COL25A1: variants seen among roughly 807,000 people sequenced by gnomAD.
COL25A1 encodes collagen type XXV alpha 1 chain, also known as collagen alpha-1(XXV) chain.
COL25A1 carries 103 observed loss-of-function variants against 128.4 expected under a neutral mutation model. The observed-to-expected ratio is 0.80, with a 90% CI of 0.68 to 0.94. COL25A1 has a LOEUF of 0.94. Among genes scored for constraint, COL25A1 ranks in the 40% least tolerant of loss-of-function variants. The pLI is 0.00. For synonymous variants in COL25A1, 279 were observed against 277.2 expected (o/e 1.01, Z -0.06); for missense variants, 745 against 840.0 (o/e 0.89, Z 1.40).
chr4:109,178,665 A>G (rs1355429381), intron 3 of COL25A1, among the ~76,000 whole-genome samples: 1 of 151,944 alleles, frequency 6.6e-6, no homozygotes, highest in Non-Finnish European at 1.5e-5. Flanking sequence ...TCTACTAAAA[A>G]TACAAAACAA....
chr4:109,185,018 G>GT (rs1240607222), intron 3 of COL25A1, among the ~76,000 whole-genome samples: 17 of 152,170 alleles, frequency 1.1e-4, no homozygotes, highest in Admixed American at 6.5e-4. Context: ...AACTTGGTTT[G>GT]TTTTTTGAAA....
intron 3 of COL25A1, among the ~76,000 whole-genome samples, chr4:109,162,946 G>T (rs1413013532): frequency 1.3e-5 from 2 of 152,178 alleles, no homozygotes; most frequent in East Asian, 1.9e-4. Context: ...TCCCCTTGAG[G>T]CACTGTTCTG....
intron 3 of COL25A1, among the ~76,000 whole-genome samples, chr4:109,142,009 T>A (rs1297113222): frequency 1.3e-5 from 2 of 152,200 alleles, no homozygotes; most frequent in Non-Finnish European, 2.9e-5. Flanking sequence ...GTTCCTTTCA[T>A]TGTGATGTCA....
At chr4:109,207,676 C>T (rs908003251) in intron 3 of COL25A1, among the ~76,000 whole-genome samples, 2 of 152,122 alleles carry the variant, frequency 1.3e-5, no homozygotes, top group African/African-American at 4.8e-5. Flanking sequence ...CACATTGCCC[C>T]ATAATTCAAA....
chr4:108,814,588 C>T (rs761493280), intron 37 of COL25A1, among the ~76,000 whole-genome samples: 1 of 152,218 alleles, frequency 6.6e-6, no homozygotes, highest in Non-Finnish European at 1.5e-5. Context: ...TTTCTCATCT[C>T]TCTCTCATAG....
At chr4:108,944,250 G>C (rs1748470795) in intron 8 of COL25A1, among the ~76,000 whole-genome samples, 1 of 152,080 alleles carries the variant, frequency 6.6e-6, no homozygotes, top group African/African-American at 2.4e-5. Context: ...CTAAATACAA[G>C]TCCTTTAAAT....
chr4:109,215,961 A>T (rs1351903093), intron 3 of COL25A1, among the ~76,000 whole-genome samples: 1 of 152,126 alleles, frequency 6.6e-6, no homozygotes, highest in Non-Finnish European at 1.5e-5. Flanking sequence ...GGGTTCAGAT[A>T]GGTATGTGTA....
At chr4:109,255,326 C>G (rs1418766369) in intron 3 of COL25A1, among the ~76,000 whole-genome samples, 1 of 152,116 alleles carries the variant, frequency 6.6e-6, no homozygotes, top group Non-Finnish European at 1.5e-5. Context: ...ACTTAAGTCA[C>G]AAAACCCAAA....
At chr4:108,829,693 C>G (rs915342916) in intron 32 of COL25A1, among the ~76,000 whole-genome samples, 20 of 152,290 alleles carry the variant, frequency 1.3e-4, no homozygotes, top group African/African-American at 4.3e-4. Context: ...AAAGCTGTCA[C>G]TAAAACAGCT....
At chr4:108,825,935 G>C (rs1335686058) in intron 33 of COL25A1, among the ~76,000 whole-genome samples, 1 of 152,156 alleles carries the variant, frequency 6.6e-6, no homozygotes, top group Non-Finnish European at 1.5e-5. Context: ...TTATCATGGT[G>C]ATGACCCTAT....
chr4:108,838,305 G>C (rs1438776828), intron 31 of COL25A1: 1 of 660,542 alleles, frequency 1.5e-6, no homozygotes, highest in Non-Finnish European at 2.6e-6. Context: ...GGCTAGATTT[G>C]TCTTGCACGA....
At chr4:108,856,018 G>A (rs563311593) in intron 24 of COL25A1, among the ~76,000 whole-genome samples, 8 of 152,274 alleles carry the variant, frequency 5.3e-5, no homozygotes, top group South Asian at 2.1e-4. Flanking sequence ...AGTGAGACGC[G>A]ACGTGAAATG....
At chr4:108,854,022 A>G (rs1578551170) in intron 24 of COL25A1, 1 of 152,166 alleles carries the variant, frequency 6.6e-6, no homozygotes, top group East Asian at 1.9e-4. Context: ...AAACAAATAT[A>G]TAGACCAATG....
At chr4:108,821,793 TG>T (rs1731795524) in intron 35 of COL25A1, among the ~76,000 whole-genome samples, 1 of 152,138 alleles carries the variant, frequency 6.6e-6, no homozygotes, top group Non-Finnish European at 1.5e-5. Context: ...ACCATGTCAT[TG>T]TGGGTATGAG....
chr4:109,271,216 T>A (rs531394804), intron 3 of COL25A1, among the ~76,000 whole-genome samples: 18 of 152,220 alleles, frequency 1.2e-4, no homozygotes, highest in Non-Finnish European at 2.4e-4. Context: ...AGCTGCAAAT[T>A]TCCTAGTAAT....
At position 109,133,925 on chromosome 4, in the gene COL25A1, T is replaced by G. The variant is rs993385971; in HGVS notation, c.368-83746A>C. The stretch of plus-strand genomic sequence containing the variant: ...ACTGAAATATGGCAAGTATACTGAT[T>G]GAGATTTTCACAAAATTCTATGTAA... On this transcript the variant is annotated intron_variant, in intron 3 of 37. Coordinates refer to ENST00000399132, the MANE Select transcript of COL25A1 (RefSeq NM_198721.4). Among the ~76,000 whole-genome samples, 3 of 152,214 alleles carry G rather than the reference T, an allele frequency of 2.0e-5. No homozygotes were observed. The East Asian group carries it at 5.8e-4, about 29-fold the overall frequency.
intron 3 of COL25A1, among the ~76,000 whole-genome samples, chr4:109,125,098 T>C (rs1218387148): frequency 6.6e-6 from 1 of 152,084 alleles, no homozygotes; most frequent in East Asian, 1.9e-4. Flanking sequence ...CTAAAAAGAC[T>C]CTATTTTCTG....
At chr4:108,952,590 T>C (rs1749563709) in intron 8 of COL25A1, among the ~76,000 whole-genome samples, 1 of 152,140 alleles carries the variant, frequency 6.6e-6, no homozygotes, top group East Asian at 1.9e-4. Context: ...AAAAATAGCA[T>C]GCAATACAAT....
At chr4:109,146,214 A>T (rs1770931546) in intron 3 of COL25A1, among the ~76,000 whole-genome samples, 1 of 152,204 alleles carries the variant, frequency 6.6e-6, no homozygotes, top group Non-Finnish European at 1.5e-5. Context: ...GTAACTGTTA[A>T]GTAAAAATGT....
Sources: gnomAD v4.1 joint callset for allele counts (sites outside exome capture counted in the v4.1 genomes callset) on GRCh38, gnomAD v4.1.1 for gene constraint, MANE v1.5 for transcripts, NCBI Gene and HGNC (gene_info 2026-07-23, HGNC 2026-07-21) for gene names.